The following DKK2 variants were observed in gnomAD, a reference collection of about 807,000 sequenced individuals.
DKK2 encodes dickkopf-related protein 2.
Under a neutral mutation model 28.1 loss-of-function variants are expected in DKK2, and 11 were observed. The ratio of observed to expected loss-of-function variants is 0.39; its 90% CI spans 0.25 to 0.65. DKK2 has a LOEUF of 0.65. DKK2 is among the 30% of genes least tolerant of loss of function. The pLI is 0.47. For missense variants in DKK2, 326 were observed against 335.5 expected, an observed-to-expected ratio of 0.97 and a Z score of 0.22; for synonymous variants, 135 against 126.5, an observed-to-expected ratio of 1.07 and a Z score of -0.45.
At chr4:106,926,949 A>G (rs1724433389) in intron 1 of DKK2, among the ~76,000 whole-genome samples, 1 of 152,198 alleles carries the variant, frequency 6.6e-6, no homozygotes, top group Non-Finnish European at 1.5e-5. Flanking sequence ...CTAAAATGTC[A>G]TAACCCACAT....
chr4:106,924,430 GCTAGGATTAAAGAAACTTC>G, intron 3 of DKK2, 96 bp downstream of exon 3: 9 of 1,356,184 alleles, frequency 6.6e-6, no homozygotes, highest in Non-Finnish European at 9.0e-6. Flanking sequence ...TTAATGACTA[GCTAGGATTAAAGAAACTTC>G]CTTGTAATTT....
At chr4:106,929,039 A>T (rs1724463983) in intron 1 of DKK2, among the ~76,000 whole-genome samples, 1 of 152,006 alleles carries the variant, frequency 6.6e-6, no homozygotes, top group Admixed American at 6.6e-5. Flanking sequence ...CCATTCAGAA[A>T]CTCTCACATA....
rs961963563 is a variant in DKK2 at position 106,922,263 on chromosome 4, T to A, written c.*1691A>T. ...CAATCTCTACTGGGAGAACTTAAAT[T>A]TGAGACTGCAGATGGGATTTAAGTA... On this transcript the variant is annotated 3_prime_UTR_variant, in exon 4 of 4. Coordinates refer to ENST00000285311, the MANE Select transcript of DKK2 (RefSeq NM_014421.3). 2 of 152,116 alleles carry A rather than the reference T, an allele frequency of 1.3e-5. No individual in the cohort carries two copies. Among genetic ancestry groups the A allele is most frequent in the Non-Finnish European group, 2.9e-5 (2 of 68,018 alleles). The allele number at this position is 152,116 out of a possible 1,614,324, so 9.4% of individuals were successfully genotyped here. A position where few individuals can be genotyped will look rare whatever the true frequency, so the allele number is the denominator to read the frequency against.
intron 1 of DKK2, among the ~76,000 whole-genome samples, chr4:106,969,525 GAGA>G (rs1171485061): frequency 2.6e-5 from 4 of 151,668 alleles, no homozygotes; most frequent in Admixed American, 6.6e-5. Flanking sequence ...TATTTAAAAG[GAGA>G]AGAAGAGGAC....
intron 1 of DKK2, among the ~76,000 whole-genome samples, chr4:106,936,665 C>T (rs1022405166): frequency 6.6e-5 from 10 of 152,140 alleles, no homozygotes; most frequent in East Asian, 1.9e-4. Context: ...ACATAATTGT[C>T]GGATTCACCA....
At chr4:107,016,427 T>C (rs1723606546) in intron 1 of DKK2, among the ~76,000 whole-genome samples, 1 of 151,934 alleles carries the variant, frequency 6.6e-6, no homozygotes, top group South Asian at 2.1e-4. Context: ...ATGTTCTAAA[T>C]GTAGACAGAG....
chr4:106,974,341 A>G (rs560713255), intron 1 of DKK2, among the ~76,000 whole-genome samples: 6 of 152,234 alleles, frequency 3.9e-5, no homozygotes, highest in African/African-American at 1.4e-4. Flanking sequence ...CAGTATGGCC[A>G]TTTTCACGAT....
At chr4:106,938,639 C>A (rs895425362) in intron 1 of DKK2, among the ~76,000 whole-genome samples, 4 of 152,216 alleles carry the variant, frequency 2.6e-5, no homozygotes, top group African/African-American at 9.6e-5. Context: ...GATACCAAAG[C>A]CAGGCAGAGA....
In DKK2 at chr4:106,977,313, G is replaced by C. The variant is rs117350854; in HGVS notation, c.223-51364C>G. Reference sequence around the variant, plus strand: ...CTTGCTAGGTTGGGATAGTTCTCCTGGATAACAACCTGAAGAGTGTTTTCC... The same window carrying C: ...CTTGCTAGGTTGGGATAGTTCTCCTCGATAACAACCTGAAGAGTGTTTTCC... On this transcript the variant is annotated intron_variant, in intron 1 of 3. Transcript: ENST00000285311. 2.6e-4 allele frequency among the ~76,000 whole-genome samples: 39 copies of C among 152,258 alleles called. No homozygotes were observed. The East Asian group carries it at 7.1e-3, about 28-fold the overall frequency.
intron 1 of DKK2, among the ~76,000 whole-genome samples, chr4:106,993,567 G>T (rs1723232935): frequency 6.6e-6 from 1 of 151,896 alleles, no homozygotes; most frequent in Non-Finnish European, 1.5e-5. Context: ...GATTAAAGGG[G>T]GAATATATAT....
chr4:106,953,842 C>A (rs1209473458), intron 1 of DKK2, among the ~76,000 whole-genome samples: 1 of 152,142 alleles, frequency 6.6e-6, no homozygotes, highest in Non-Finnish European at 1.5e-5. Flanking sequence ...AATTTCTATT[C>A]ATTTACTTTA....
intron 1 of DKK2, among the ~76,000 whole-genome samples, chr4:106,960,281 G>T (rs1722668172): frequency 6.6e-6 from 1 of 151,922 alleles, no homozygotes; most frequent in Non-Finnish European, 1.5e-5. Context: ...GCAACTTAAT[G>T]GAACTGGAGG....
Position 106,996,154 on chromosome 4 carries a change from T to A in DKK2, c.222+39216A>T, listed in dbSNP as rs190711046. Reference sequence around the variant, plus strand: ...GAATTGTATTGACAATGTATATTTGTCATTCTGGATCTTCAGTTACAGAAT... The same window carrying A: ...GAATTGTATTGACAATGTATATTTGACATTCTGGATCTTCAGTTACAGAAT... On this transcript the variant is annotated intron_variant, in intron 1 of 3. Transcript: ENST00000285311. Among the ~76,000 whole-genome samples, 201 of 152,346 alleles carry A rather than the reference T, an allele frequency of 1.3e-3. 1 individual carries two copies. The highest frequency in any genetic ancestry group is 3.4e-4 in the Non-Finnish European group (23 of 68,022).
At chr4:107,005,438 C>CA (rs1375945845) in intron 1 of DKK2, among the ~76,000 whole-genome samples, 5 of 145,738 alleles carry the variant, frequency 3.4e-5, no homozygotes, top group African/African-American at 5.1e-5. Flanking sequence ...CCATAGAAAA[C>CA]AAAAAAATAT....
chr4:106,999,435 C>T (rs550473696), intron 1 of DKK2, among the ~76,000 whole-genome samples: 52 of 152,358 alleles, frequency 3.4e-4, no homozygotes, highest in African/African-American at 1.2e-3. Flanking sequence ...CAACCTCCGC[C>T]TCCCAGGTTC....
chr4:106,968,854 T>C (rs1309052755), intron 1 of DKK2, among the ~76,000 whole-genome samples: 1 of 152,058 alleles, frequency 6.6e-6, no homozygotes. Context: ...GCTAATATTA[T>C]TGACTCCTCA....
At chr4:106,991,584 C>G (rs558168002) in intron 1 of DKK2, among the ~76,000 whole-genome samples, 1 of 152,144 alleles carries the variant, frequency 6.6e-6, no homozygotes, top group African/African-American at 2.4e-5. Flanking sequence ...TTTCTAAAGT[C>G]CTATATGAGC....
intron 1 of DKK2, among the ~76,000 whole-genome samples, chr4:106,968,947 C>G (rs576661758): frequency 3.3e-5 from 5 of 152,200 alleles, no homozygotes; most frequent in African/African-American, 1.2e-4. Flanking sequence ...GTTTGGATTT[C>G]ACAGAAGCAT....
At position 107,017,857 on chromosome 4, in the gene DKK2, A is replaced by G. The variant is rs111486163; in HGVS notation, c.222+17513T>C. ...TTTTCTCATTTTTAAATGCTTGCAG[A>G]CTACTTACCTTTGGAATGTGGTTGC... On this transcript the variant is annotated intron_variant, in intron 1 of 3. Coordinates refer to ENST00000285311, the MANE Select transcript of DKK2 (RefSeq NM_014421.3). Among the ~76,000 whole-genome samples the G allele has an allele frequency of 9.1e-3, 1,390 of 152,134 alleles. 22 individuals are homozygous for G. The highest frequency in any genetic ancestry group is 0.032 in the African/African-American group (1,313 of 41,478).
Sources: allele counts gnomAD v4.1 joint callset (sites outside exome capture counted in the v4.1 genomes callset), GRCh38; gene constraint gnomAD v4.1.1; transcripts MANE v1.5; gene names NCBI Gene and HGNC (gene_info 2026-07-23, HGNC 2026-07-21).